The following SLC24A3 variants were observed in gnomAD, a reference collection of about 807,000 sequenced individuals.
SLC24A3 encodes the protein sodium/potassium/calcium exchanger 3.
In SLC24A3, 28 loss-of-function variants were observed where a neutral mutation model predicts 75.8. The ratio of observed to expected loss-of-function variants is 0.37; its 90% CI spans 0.27 to 0.51. SLC24A3 has a LOEUF of 0.51. Among genes scored for constraint, SLC24A3 ranks in the 20% least tolerant of loss-of-function variants. The pLI is 0.94. For synonymous variants in SLC24A3, 372 were observed against 334.1 expected, an observed-to-expected ratio of 1.11 and a Z score of -1.24; for missense variants, 663 against 847.8, an observed-to-expected ratio of 0.78 and a Z score of 2.71.
intron 2 of SLC24A3, among the ~76,000 whole-genome samples, chr20:19,475,128 GGA>G (rs1600244662): frequency 1.3e-5 from 2 of 152,096 alleles, no homozygotes; most frequent in East Asian, 3.9e-4. Flanking sequence ...CACAAGGTCA[GGA>G]GATCGAAACC....
At chr20:19,608,301 A>G (rs1259140067) in intron 6 of SLC24A3, among the ~76,000 whole-genome samples, 2 of 152,248 alleles carry the variant, frequency 1.3e-5, no homozygotes, top group African/African-American at 2.4e-5. Flanking sequence ...AGTGTATAGA[A>G]AAATACATAC....
intron 3 of SLC24A3, among the ~76,000 whole-genome samples, chr20:19,571,511 C>T (rs2031051964): frequency 6.6e-6 from 1 of 152,240 alleles, no homozygotes; most frequent in Non-Finnish European, 1.5e-5. Context: ...TAATCTTTTC[C>T]TGCTGAAAAA....
At chr20:19,445,739 G>A (rs1420214887) in intron 2 of SLC24A3, among the ~76,000 whole-genome samples, 1 of 152,138 alleles carries the variant, frequency 6.6e-6, no homozygotes, top group Non-Finnish European at 1.5e-5. Flanking sequence ...TGACAGCCAG[G>A]AAGTGCCCTT....
intron 6 of SLC24A3, among the ~76,000 whole-genome samples, chr20:19,622,807 C>T (rs1412749853): frequency 6.6e-6 from 1 of 152,156 alleles, no homozygotes. Context: ...ATACAAGAAG[C>T]ATGGCACCAG....
At chr20:19,513,735 T>TAAAAAAA (rs1568640205) in intron 2 of SLC24A3, among the ~76,000 whole-genome samples, 3 of 96,834 alleles carry the variant, frequency 3.1e-5, no homozygotes, top group African/African-American at 1.4e-4. Context: ...TGCTTTTTTT[T>TAAAAAAA]TAGAAAAAAA....
chr20:19,386,982 T>C (rs1986283112), intron 2 of SLC24A3, among the ~76,000 whole-genome samples: 1 of 152,182 alleles, frequency 6.6e-6, no homozygotes, highest in African/African-American at 2.4e-5. Flanking sequence ...TCTGGGCTTT[T>C]CTTTATTGGG....
chr20:19,349,665 G>A (rs2024619), intron 2 of SLC24A3, among the ~76,000 whole-genome samples: 73,737 of 152,044 alleles, frequency 0.48, 18,985 homozygotes, highest in African/African-American at 0.66. Flanking sequence ...CAGCAGGATG[G>A]AGCTTCAGTT....
intron 2 of SLC24A3, among the ~76,000 whole-genome samples, chr20:19,393,918 A>G (rs902625535): frequency 2.0e-5 from 3 of 152,216 alleles, no homozygotes; most frequent in Non-Finnish European, 4.4e-5. Context: ...ATCTTGAAAA[A>G]GAATGAAGTT....
intron 2 of SLC24A3, among the ~76,000 whole-genome samples, chr20:19,436,631 G>A (rs1459554184): frequency 3.3e-5 from 5 of 152,194 alleles, no homozygotes; most frequent in Non-Finnish European, 7.3e-5. Context: ...TTTTCTTGGT[G>A]TGTATTCATG....
At chr20:19,646,404 T>G (rs2122702828) in intron 6 of SLC24A3, among the ~76,000 whole-genome samples, 1 of 152,288 alleles carries the variant, frequency 6.6e-6, no homozygotes, top group Admixed American at 6.5e-5. Context: ...TGACTTGGTG[T>G]TTTCTTGAAA....
Position 19,639,661 on chromosome 20 carries a change from C to T in SLC24A3, c.613-14401C>T, listed in dbSNP as rs567597965. Among the ~76,000 whole-genome samples, 42 of 152,364 alleles carry T rather than the reference C, an allele frequency of 2.8e-4. 1 individual carries two copies. The highest frequency in any genetic ancestry group is 3.4e-3 in the Middle Eastern group (1 of 294). ...CTCAGCCCTTGGGTGGTCGATGGGA[C>T]TGGGTGCCGAGGAGCAGGGGGCGGC... is the stretch of plus-strand genomic sequence containing the variant. On this transcript the variant is annotated intron_variant, in intron 6 of 16. Coordinates refer to ENST00000328041, the MANE Select transcript of SLC24A3 (RefSeq NM_020689.4).
intron 1 of SLC24A3, among the ~76,000 whole-genome samples, chr20:19,275,899 C>T (rs1983471200): frequency 6.6e-6 from 1 of 152,190 alleles, no homozygotes; most frequent in Admixed American, 6.5e-5. Flanking sequence ...AGCCTGCTGC[C>T]TCCCCTCTTC....
chr20:19,665,971 A>G, intron 8 of SLC24A3, 82 bp downstream of exon 8: 1 of 1,475,014 alleles, frequency 6.8e-7, no homozygotes. Context: ...TTGGGATTCA[A>G]GAAAGAAAGG....
intron 2 of SLC24A3, among the ~76,000 whole-genome samples, chr20:19,310,584 G>A (rs1214821137): frequency 6.6e-6 from 1 of 152,196 alleles, no homozygotes; most frequent in African/African-American, 2.4e-5. Context: ...CTGACCTGCG[G>A]CTACCTGGGA....
intron 2 of SLC24A3, among the ~76,000 whole-genome samples, chr20:19,325,788 A>ATG (rs1374579988): frequency 7.2e-5 from 7 of 97,354 alleles, no homozygotes; most frequent in African/African-American, 2.6e-4. Context: ...ATATATATAT[A>ATG]TATATATAGA....
In SLC24A3 at chr20:19,237,249, G is replaced by A. The variant is rs1279994369; in HGVS notation, c.142+24265G>A. Among the ~76,000 whole-genome samples the A allele has an allele frequency of 2.6e-5, 4 of 152,210 alleles. No individual in the cohort carries two copies. The South Asian group carries it at 8.3e-4, about 32-fold the overall frequency. On this transcript the variant is annotated intron_variant, in intron 1 of 16. Transcript: ENST00000328041. ...AAGTTGGGAGGAATTTCAGCACCTGGTGCTCCTGGGCCTGCAGGCGGGGGT... is the reference window on the plus strand; with the variant it reads ...AAGTTGGGAGGAATTTCAGCACCTGATGCTCCTGGGCCTGCAGGCGGGGGT...
At chr20:19,570,776 G>A (rs1189001640) in intron 3 of SLC24A3, among the ~76,000 whole-genome samples, 1 of 152,130 alleles carries the variant, frequency 6.6e-6, no homozygotes. Flanking sequence ...CAGTATTACT[G>A]TGGCATATTG....
chr20:19,582,743 G>T (rs139936875), intron 4 of SLC24A3, among the ~76,000 whole-genome samples: 13 of 152,308 alleles, frequency 8.5e-5, no homozygotes, highest in African/African-American at 3.1e-4. Context: ...AGCCACAGTA[G>T]ACAGCCTCAG....
intron 3 of SLC24A3, among the ~76,000 whole-genome samples, chr20:19,523,608 T>A (rs2030143456): frequency 6.6e-6 from 1 of 152,212 alleles, no homozygotes; most frequent in Non-Finnish European, 1.5e-5. Context: ...CTGAGCTGGA[T>A]ATAAAGCATG....
Sources: gnomAD v4.1 joint callset for allele counts (sites outside exome capture counted in the v4.1 genomes callset) on GRCh38, gnomAD v4.1.1 for gene constraint, MANE v1.5 for transcripts, NCBI Gene and HGNC (gene_info 2026-07-23, HGNC 2026-07-21) for gene names.